The following BIRC6 variants were observed in gnomAD, a reference collection of about 807,000 sequenced individuals.
BIRC6 encodes the protein dual E2 ubiquitin-conjugating enzyme/E3 ubiquitin-protein ligase BIRC6.
BIRC6 carries 98 observed loss-of-function variants against 503.3 expected under a neutral mutation model. The observed-to-expected ratio is 0.19, with a 90% CI of 0.17 to 0.23. The LOEUF is 0.23. Ranked by LOEUF, BIRC6 falls within the 10% of genes least tolerant of loss-of-function variation. The pLI is 1.00. For missense variants in BIRC6, 5,360 were observed against 5,806.0 expected (o/e 0.92, Z 2.50); for synonymous variants, 2,240 against 2,078.7 (o/e 1.08, Z -2.11).
intron 6 of BIRC6, among the ~76,000 whole-genome samples, chr2:32,399,403 A>G (rs2149708319): frequency 6.6e-6 from 1 of 152,220 alleles, no homozygotes; most frequent in East Asian, 1.9e-4. Flanking sequence ...TTTTTTAGAT[A>G]CGGGGTCTTG....
At chr2:32,495,069 C>T (rs1279202538) in intron 45 of BIRC6, among the ~76,000 whole-genome samples, 1 of 152,122 alleles carries the variant, frequency 6.6e-6, no homozygotes, top group Non-Finnish European at 1.5e-5. Flanking sequence ...AAAGATTAGT[C>T]ATCATTTGTT....
chr2:32,529,846 A>G (rs751141777), intron 60 of BIRC6, 22 bp downstream of exon 60: 6 of 1,472,448 alleles, frequency 4.1e-6, no homozygotes, highest in African/African-American at 1.4e-5. Context: ...ATACTACTTT[A>G]AAAATTACAG....
intron 65 of BIRC6, chr2:32,557,919 T>A (rs2058894264): frequency 6.6e-6 from 1 of 152,194 alleles, no homozygotes; most frequent in Non-Finnish European, 1.5e-5. Flanking sequence ...AGAAAATGTA[T>A]TTATTACAAA....
intron 15 of BIRC6, among the ~76,000 whole-genome samples, chr2:32,437,904 A>G (rs1386302672): frequency 1.3e-5 from 2 of 152,204 alleles, no homozygotes; most frequent in South Asian, 2.1e-4. Context: ...GTTTTGTTCA[A>G]TGAGAGTGTG....
At chr2:32,600,522 A>C (rs1403202749) in intron 70 of BIRC6, among the ~76,000 whole-genome samples, 1 of 152,220 alleles carries the variant, frequency 6.6e-6, no homozygotes, top group Non-Finnish European at 1.5e-5. Flanking sequence ...GTTGCAAAAG[A>C]TTTGACCAGA....
intron 45 of BIRC6, among the ~76,000 whole-genome samples, chr2:32,498,286 A>G (rs2052729880): frequency 6.6e-6 from 1 of 152,130 alleles, no homozygotes; most frequent in African/African-American, 2.4e-5. Context: ...GGTAGTCTCG[A>G]ACTCCTGAGC....
chr2:32,596,640 T>G (rs913038221), intron 68 of BIRC6, among the ~76,000 whole-genome samples: 2 of 152,030 alleles, frequency 1.3e-5, no homozygotes, highest in African/African-American at 4.8e-5. Flanking sequence ...GAAAAGAGTT[T>G]CCAGACATAT....
chr2:32,579,080 A>G (rs2060492770), intron 66 of BIRC6, among the ~76,000 whole-genome samples: 1 of 143,908 alleles, frequency 6.9e-6, no homozygotes, highest in Non-Finnish European at 1.5e-5. Context: ...TATATATATT[A>G]GATAAAGAAA....
intron 71 of BIRC6, among the ~76,000 whole-genome samples, chr2:32,603,697 C>T (rs2062223104): frequency 6.6e-6 from 1 of 152,152 alleles, no homozygotes; most frequent in East Asian, 1.9e-4. Flanking sequence ...ACACTCTAGC[C>T]TGGGTGACAG....
At chr2:32,478,859 C>T (rs576855828) in intron 36 of BIRC6, 41 bp downstream of exon 36, 1 of 1,574,408 alleles carries the variant, frequency 6.4e-7, no homozygotes, top group South Asian at 1.1e-5. Flanking sequence ...TCAAAATTAC[C>T]TTGTCATTGC....
At position 32,439,604 on chromosome 2, in the gene BIRC6, T is replaced by C. The variant is rs1188961458; in HGVS notation, c.3728T>C (p.Val1243Ala). The C allele has an allele frequency of 6.2e-7, 1 of 1,613,808 alleles. No homozygotes were observed. The highest frequency in any genetic ancestry group is 1.3e-5 in the African/African-American group (1 of 74,942). The change falls in exon 16 of 74, where the codon GTA (valine) becomes GCA (alanine). Residue 1243 changes from valine to alanine, a missense_variant. Physicochemically the swap from Val to Ala is moderately conservative, Grantham distance 64 (BLOSUM62 0). Coordinates refer to ENST00000421745, the MANE Select transcript of BIRC6 (RefSeq NM_016252.4). ...EEICNGGMRP[V>A]VRLPSLKHQS... The stretch of plus-strand genomic sequence containing the variant: ...ATTTGTAATGGTGGTATGCGTCCTG[T>C]AGTAAGGCTTCCATCCCTAAAACAC...
At position 32,415,719 on chromosome 2, in the gene BIRC6, C is replaced by G. The variant is rs774150827; in HGVS notation, c.2428C>G (p.Pro810Ala). 1 of 1,613,798 alleles carries G rather than the reference C, an allele frequency of 6.2e-7. No homozygotes were observed. Among genetic ancestry groups the G allele is most frequent in the Non-Finnish European group, 8.5e-7 (1 of 1,179,860 alleles). Residue 810 changes from proline to alanine, a missense_variant, in exon 10 of 74, where the codon CCT becomes GCT. Coordinates refer to ENST00000421745, the MANE Select transcript of BIRC6 (RefSeq NM_016252.4). Reference sequence around the variant, plus strand: ...TGAATCACCAGCAGATGTACAGACTCCTTTAATAATTCAGCCTGAGCAGAG... The same window carrying G: ...TGAATCACCAGCAGATGTACAGACTGCTTTAATAATTCAGCCTGAGCAGAG... ...QHESPADVQT[P>A]LIIQPEQRNV... is the part of the protein sequence containing the mutation.
At chr2:32,592,163 AGAC>A (rs1202480115) in intron 66 of BIRC6, among the ~76,000 whole-genome samples, 20 of 152,358 alleles carry the variant, frequency 1.3e-4, no homozygotes, top group Admixed American at 5.2e-4. Flanking sequence ...ACATGTACAT[AGAC>A]GACAGTTGAT....
chr2:32,497,448 CACTT>C lies in BIRC6; in HGVS notation c.8469-2093_8469-2090del, dbSNP rs1266404071. Among the ~76,000 whole-genome samples, 19 of 152,278 alleles carry C rather than the reference CACTT, an allele frequency of 1.2e-4. No individual in the cohort carries two copies. The East Asian group carries it at 1.5e-3, about 12-fold the overall frequency. On this transcript the variant is annotated intron_variant, in intron 45 of 73. Coordinates refer to ENST00000421745, the MANE Select transcript of BIRC6 (RefSeq NM_016252.4). Reference sequence around the variant, plus strand: ...AGAGGTTGTGTAATATGTGTATTGTCACTTACTTAAGTATTTGGTAGCATTTGCC... The same window carrying C: ...AGAGGTTGTGTAATATGTGTATTGTCACTTAAGTATTTGGTAGCATTTGCC...
At chr2:32,607,338 G>A in intron 71 of BIRC6, 117 bp from the exon 72 acceptor site, 1 of 686,140 alleles carries the variant, frequency 1.5e-6, no homozygotes, top group South Asian at 3.9e-5. Flanking sequence ...TGATTTTATT[G>A]TGATAGAAAT....
At chr2:32,530,802 C>A (rs2056680212) in intron 60 of BIRC6, among the ~76,000 whole-genome samples, 1 of 152,084 alleles carries the variant, frequency 6.6e-6, no homozygotes, top group Non-Finnish European at 1.5e-5. Context: ...TTATTTCTCT[C>A]TTTTGTTTTA....
chr2:32,476,319 C>G lies in BIRC6; in HGVS notation c.6827C>G (p.Ala2276Gly). Reference sequence around the variant, plus strand: ...TCATATAAACTCCTGGTAGAACAAGCAAAACTAAAGCAGGCCACTTCAAAG... The same window carrying G: ...TCATATAAACTCCTGGTAGAACAAGGAAAACTAAAGCAGGCCACTTCAAAG... ...GSSYKLLVEQ[A>G]KLKQATSKHF... Residue 2276 changes from alanine to glycine, a missense_variant, in exon 34 of 74, where the codon GCA (alanine) becomes GGA (glycine). Physicochemically the swap from Ala to Gly is moderately conservative, Grantham distance 60. This residue lies in a region of BIRC6 where 2,299 missense variants were observed against 2,267.2 expected (regional missense o/e 1.01). Transcript: ENST00000421745. The G allele has an allele frequency of 6.3e-7, 1 of 1,577,510 alleles. No individual in the cohort carries two copies. The highest frequency in any genetic ancestry group is 8.6e-7 in the Non-Finnish European group (1 of 1,160,152).
At chr2:32,413,862 A>G (rs1282681097) in intron 9 of BIRC6, among the ~76,000 whole-genome samples, 1 of 152,192 alleles carries the variant, frequency 6.6e-6, no homozygotes, top group African/African-American at 2.4e-5. Context: ...ACTTTAAATG[A>G]ACTCTAGATT....
At chr2:32,478,583 A>G (rs755340122) in intron 35 of BIRC6, 52 bp from the exon 36 acceptor site, 36 of 1,508,412 alleles carry the variant, frequency 2.4e-5, no homozygotes, top group Non-Finnish European at 3.2e-5. Context: ...TTAGTGTTTG[A>G]AAAAACATGT....
Sources: gnomAD v4.1 joint callset for allele counts (sites outside exome capture counted in the v4.1 genomes callset) on GRCh38, gnomAD v4.1.1 for gene constraint, gnomAD v4.1.1 regional missense constraint, MANE v1.5 for transcripts, NCBI Gene and HGNC (gene_info 2026-07-23, HGNC 2026-07-21) for gene names.